The following NOX4 variants were observed in gnomAD, a reference collection of about 807,000 sequenced individuals.
NOX4 encodes NADPH oxidase 4.
Under a neutral mutation model 87.6 loss-of-function variants are expected in NOX4, and 69 were observed. That is an observed-to-expected ratio of 0.79 (90% CI 0.65 to 0.96). The LOEUF (loss-of-function observed/expected upper bound fraction) is 0.96. Among genes scored for constraint, NOX4 ranks in the 40% least tolerant of loss-of-function variants. The pLI, the probability that NOX4 is intolerant of heterozygous loss-of-function variation, is 0.00. For synonymous variants in NOX4, 275 were observed against 238.2 expected (o/e 1.15, Z -1.42); for missense variants, 680 against 681.5 (o/e 1.00, Z 0.02).
At chr11:89,483,201 T>C (rs540348635) in intron 2 of NOX4, among the ~76,000 whole-genome samples, 8 of 152,230 alleles carry the variant, frequency 5.3e-5, no homozygotes, top group Admixed American at 2.6e-4. Context: ...ACACGTCATA[T>C]ATAATCAATA....
chr11:89,545,274 T>C, the NOX4 span: 1 of 152,152 alleles, frequency 6.6e-6, no homozygotes, highest in Non-Finnish European at 1.5e-5. Flanking sequence ...GCTGTTTCTG[T>C]CCAGTAGAAA....
At position 89,445,441 on chromosome 11, in the gene NOX4, A is replaced by G. The variant is rs556565301; in HGVS notation, c.350-1209T>C. Among the ~76,000 whole-genome samples, 3 of 152,260 alleles carry G rather than the reference A, an allele frequency of 2.0e-5. No individual in the cohort carries two copies. In the East Asian group the frequency reaches 5.8e-4, roughly 29 times the overall value. On this transcript the variant is annotated intron_variant, in intron 4 of 17. Transcript: ENST00000263317. ...ATTTATAAGGTCCTTCAAGTAATCA[A>G]ATTAGAAGTAGGGGAAGAGTCAGGA...
rs1946846121 is a variant in NOX4, at chr11:89,491,310, G to A, written c.-64C>T. The A allele has an allele frequency of 6.8e-7, 1 of 1,481,440 alleles. No homozygotes were observed. The highest frequency in any genetic ancestry group is 2.3e-5 in the East Asian group (1 of 43,092). The allele number at this position is 1,481,440 out of a possible 1,614,324, so 91.8% of individuals were successfully genotyped here. ...ACCGAGAAGGAGCGGGCGGCGGCCG[G>A]GGCAGCGGTTACAGTTGTGCGGCCT... On this transcript the variant is annotated 5_prime_UTR_variant, in exon 1 of 18. Transcript: ENST00000263317.
At chr11:89,357,493 C>G (rs1042364969) in intron 12 of NOX4, among the ~76,000 whole-genome samples, 1 of 152,074 alleles carries the variant, frequency 6.6e-6, no homozygotes, top group Non-Finnish European at 1.5e-5. Flanking sequence ...GGTTTTCAGT[C>G]TACTTGCCAA....
rs750337408 is a variant in NOX4 at position 89,432,798 on chromosome 11, A to G, written c.534T>C (p.Ser178=). Residue 178 remains serine (S), a synonymous_variant, in exon 7 of 18, where the codon TCT becomes TCC. Coordinates refer to ENST00000263317, the MANE Select transcript of NOX4 (RefSeq NM_016931.5). ...VVVLFLMITA[S]TYAIRVSNYD... ...CTGACACTTACCTTATTGCATATGTAGAGGCTGTGATCATGAGGAATAGCA... is the reference window on the plus strand; with the variant it reads ...CTGACACTTACCTTATTGCATATGTGGAGGCTGTGATCATGAGGAATAGCA... 30 of 1,609,316 alleles carry G rather than the reference A, an allele frequency of 1.9e-5. No individual in the cohort carries two copies. In the South Asian group the frequency reaches 3.0e-4, roughly 16 times the overall value.
At chr11:89,580,243 G>C in the NOX4 span, among the ~76,000 whole-genome samples, 1 of 152,212 alleles carries the variant, frequency 6.6e-6, no homozygotes, top group South Asian at 2.1e-4. Flanking sequence ...TGAGTGCAGT[G>C]GCATGATTAT....
chr11:89,431,939 T>C (rs1299057738), intron 7 of NOX4, among the ~76,000 whole-genome samples: 3 of 152,070 alleles, frequency 2.0e-5, no homozygotes, highest in Non-Finnish European at 4.4e-5. Context: ...TAGCAAAGAC[T>C]TGGAACCAAC....
intron 7 of NOX4, 40 bp downstream of exon 7, chr11:89,432,744 C>A: frequency 7.1e-7 from 1 of 1,412,242 alleles, no homozygotes; most frequent in Non-Finnish European, 1.0e-6. Context: ...TCTAAATAAC[C>A]TGACAGATAC....
At chr11:89,469,432 T>G (rs1036617480) in intron 2 of NOX4, among the ~76,000 whole-genome samples, 1 of 152,216 alleles carries the variant, frequency 6.6e-6, no homozygotes, top group Admixed American at 6.5e-5. Flanking sequence ...ATATGTAAAT[T>G]TGTGCTCATT....
chr11:89,340,914 G>A (rs1945964751), intron 14 of NOX4, among the ~76,000 whole-genome samples: 3 of 151,986 alleles, frequency 2.0e-5, no homozygotes, highest in East Asian at 3.9e-4. Flanking sequence ...ATTTAAAACT[G>A]AAATAAAATA....
At chr11:89,570,184 C>T in the NOX4 span, among the ~76,000 whole-genome samples, 10 of 152,082 alleles carry the variant, frequency 6.6e-5, no homozygotes, top group East Asian at 1.9e-4. Flanking sequence ...TAAAAAAGAA[C>T]GAAGTCATGT....
At position 89,325,126 on chromosome 11, in the gene NOX4, T is replaced by A. The variant is rs572816460; in HGVS notation, c.*1630A>T. Reference sequence around the variant, plus strand: ...TGAATGCTTTAATTCTTTTTTTTTTTTTTTTTTTTTTTTTTTGAGATGGAA... The same window carrying A: ...TGAATGCTTTAATTCTTTTTTTTTTATTTTTTTTTTTTTTTTGAGATGGAA... On this transcript the variant is annotated 3_prime_UTR_variant, in exon 18 of 18. Coordinates refer to ENST00000263317, the MANE Select transcript of NOX4 (RefSeq NM_016931.5). 3.3e-4 allele frequency: 42 copies of A among 125,612 alleles called. No homozygotes were observed. Among genetic ancestry groups the A allele is most frequent in the African/African-American group, 1.5e-3 (41 of 28,150 alleles). 7.8% of individuals were successfully genotyped at this position (125,612 alleles called of 1,614,324 possible). A position where few individuals can be genotyped will look rare whatever the true frequency, so the allele number is the denominator to read the frequency against.
chr11:89,339,001 C>T (rs1945852916), intron 15 of NOX4, among the ~76,000 whole-genome samples: 1 of 152,050 alleles, frequency 6.6e-6, no homozygotes, highest in South Asian at 2.1e-4. Flanking sequence ...AGATCAGAAA[C>T]TTGGTTTTAT....
intron 2 of NOX4, among the ~76,000 whole-genome samples, chr11:89,465,552 C>T (rs1945648990): frequency 6.6e-6 from 1 of 152,142 alleles, no homozygotes; most frequent in African/African-American, 2.4e-5. Context: ...TGAGGAATTG[C>T]CACACTGTCT....
the NOX4 span, among the ~76,000 whole-genome samples, chr11:89,523,334 A>C: frequency 6.6e-6 from 1 of 152,100 alleles, no homozygotes; most frequent in Admixed American, 6.6e-5. Context: ...AAAGCACAGA[A>C]CTCTTAATAG....
At chr11:89,506,060 A>C in the NOX4 span, among the ~76,000 whole-genome samples, 34 of 151,982 alleles carry the variant, frequency 2.2e-4, no homozygotes, top group African/African-American at 7.7e-4. Context: ...ATAAGTATAG[A>C]TAAACAAACC....
chr11:89,492,287 A>G (rs1345832245), upstream of NOX4: 1 of 152,210 alleles, frequency 6.6e-6, no homozygotes, highest in Non-Finnish European at 1.5e-5. Context: ...AATCTGATGC[A>G]AAATAGATAT....
intron 13 of NOX4, among the ~76,000 whole-genome samples, chr11:89,347,860 C>A (rs1590982771): frequency 6.6e-6 from 1 of 152,180 alleles, no homozygotes; most frequent in East Asian, 1.9e-4. Flanking sequence ...CATGCGGTAG[C>A]TCATGTACCT....
At chr11:89,475,801 G>T (rs577380399) in intron 2 of NOX4, among the ~76,000 whole-genome samples, 1 of 152,016 alleles carries the variant, frequency 6.6e-6, no homozygotes, top group South Asian at 2.1e-4. Flanking sequence ...CACTGGGAGG[G>T]CACAATGGAC....
Sources: gnomAD v4.1 joint callset for allele counts (sites outside exome capture counted in the v4.1 genomes callset) on GRCh38, gnomAD v4.1.1 for gene constraint, MANE v1.5 for transcripts, NCBI Gene and HGNC (gene_info 2026-07-23, HGNC 2026-07-21) for gene names.